The following RAP1A variants were observed in gnomAD, a reference collection of about 807,000 sequenced individuals.
The protein encoded by RAP1A is RAP1A, member of RAS oncogene family.
Under a neutral mutation model 26.4 loss-of-function variants are expected in RAP1A, and 6 were observed. That is an observed-to-expected ratio of 0.23 (90% confidence interval 0.12 to 0.45). The LOEUF is 0.45. RAP1A is among the 20% of genes least tolerant of loss of function. The pLI, the probability that RAP1A is intolerant of heterozygous loss-of-function variation, is 0.99. For synonymous variants in RAP1A, 73 were observed against 79.4 expected, an observed-to-expected ratio of 0.92 and a Z score of 0.43; for missense variants, 121 against 217.2, an observed-to-expected ratio of 0.56 and a Z score of 2.78.
At chr1:111,579,861 G>C (rs1448554938) in intron 1 of RAP1A, among the ~76,000 whole-genome samples, 1 of 152,032 alleles carries the variant, frequency 6.6e-6, no homozygotes, top group African/African-American at 2.4e-5. Context: ...CCAGGCTGGA[G>C]TGCAATGGTG....
At chr1:111,657,712 C>G (rs1297247690) in intron 1 of RAP1A, among the ~76,000 whole-genome samples, 1 of 152,176 alleles carries the variant, frequency 6.6e-6, no homozygotes, top group African/African-American at 2.4e-5. Flanking sequence ...AAAGACCATC[C>G]TTTCCCAATT....
chr1:111,563,626 T>C (rs1315104029), intron 1 of RAP1A, among the ~76,000 whole-genome samples: 2 of 152,200 alleles, frequency 1.3e-5, no homozygotes, highest in Non-Finnish European at 2.9e-5. Context: ...AACTTGTATG[T>C]GTCAAACACT....
rs888846168 is a variant in RAP1A, at chr1:111,703,329, A to C, written c.184-7A>C. On this transcript the variant is annotated splice_region_variant and splice_polypyrimidine_tract_variant and intron_variant, in intron 4 of 7. Transcript: ENST00000369709. ...ATATTTATAATTGCATATTTTTTAAATCATAGGAGCAATTTACAGCAATGA... is the reference window on the plus strand; with the variant it reads ...ATATTTATAATTGCATATTTTTTAACTCATAGGAGCAATTTACAGCAATGA... 1.3e-6 allele frequency: 2 copies of C among 1,522,190 alleles called. No homozygotes were observed. The highest frequency in any genetic ancestry group is 1.8e-6 in the Non-Finnish European group (2 of 1,129,956). 94.3% of individuals were successfully genotyped at this position (1,522,190 alleles called of 1,614,324 possible). A position where few individuals can be genotyped will look rare whatever the true frequency, so the allele number is the denominator to read the frequency against.
At chr1:111,696,041 A>G (rs931727982) in intron 3 of RAP1A, among the ~76,000 whole-genome samples, 4 of 152,112 alleles carry the variant, frequency 2.6e-5, no homozygotes, top group African/African-American at 2.4e-5. Flanking sequence ...TATGTGGGAA[A>G]TCTCTGCACC....
At chr1:111,581,249 A>G (rs926564392) in intron 1 of RAP1A, among the ~76,000 whole-genome samples, 5 of 152,078 alleles carry the variant, frequency 3.3e-5, no homozygotes, top group Non-Finnish European at 7.4e-5. Flanking sequence ...TGGAGAAAAT[A>G]GCATATTTTT....
intron 1 of RAP1A, among the ~76,000 whole-genome samples, chr1:111,653,357 A>G (rs1660336607): frequency 6.6e-6 from 1 of 152,106 alleles, no homozygotes; most frequent in Non-Finnish European, 1.5e-5. Flanking sequence ...AGCCTTGTGA[A>G]TATAATTTTT....
At chr1:111,656,864 T>C (rs1378045229) in intron 1 of RAP1A, among the ~76,000 whole-genome samples, 1 of 152,146 alleles carries the variant, frequency 6.6e-6, no homozygotes, top group Non-Finnish European at 1.5e-5. Flanking sequence ...TAACATACCA[T>C]TGTAATTATT....
In RAP1A at chr1:111,593,652, CT is replaced by C. The variant is rs994763442; in HGVS notation, c.-28+51170del. ...CTGGCAGCTTAAGTTATGACTCCTA[CT>C]TTTTTTTTTTTTTTTTTTTTTTTTT... is the stretch of plus-strand genomic sequence containing the variant. On this transcript the variant is annotated intron_variant, in intron 1 of 7. Transcript: ENST00000356415. 8.6e-3 allele frequency among the ~76,000 whole-genome samples: 560 copies of C among 65,394 alleles called. 4 individuals are homozygous for C. Among genetic ancestry groups the C allele is most frequent in the African/African-American group, 0.031 (501 of 16,134 alleles). The allele number at this position is 65,394 out of a possible 152,430, so 42.9% of individuals were successfully genotyped here. A position where few individuals can be genotyped will look rare whatever the true frequency, so the allele number is the denominator to read the frequency against.
chr1:111,650,060 A>G (rs1660213671), intron 1 of RAP1A, among the ~76,000 whole-genome samples: 1 of 146,378 alleles, frequency 6.8e-6, no homozygotes, highest in Non-Finnish European at 1.5e-5. Context: ...TTCTAACAAT[A>G]TATATAAGTA....
At chr1:111,549,309 C>CTTTTTTTT in intron 1 of RAP1A, among the ~76,000 whole-genome samples, 1 of 125,612 alleles carries the variant, frequency 8.0e-6, no homozygotes, top group Admixed American at 7.9e-5. Flanking sequence ...CAGTCATGGG[C>CTTTTTTTT]TTTTTTTTTT....
At chr1:111,542,943 C>A (rs1360182814) in intron 1 of RAP1A, among the ~76,000 whole-genome samples, 1 of 152,134 alleles carries the variant, frequency 6.6e-6, no homozygotes, top group African/African-American at 2.4e-5. Context: ...GTGATCCTCC[C>A]ACTTTGGCCT....
At chr1:111,570,922 A>G (rs541293925) in intron 1 of RAP1A, among the ~76,000 whole-genome samples, 2 of 152,332 alleles carry the variant, frequency 1.3e-5, no homozygotes, top group South Asian at 4.1e-4. Context: ...CCAAATTTCA[A>G]CATGAGTTTT....
intron 1 of RAP1A, chr1:111,604,725 A>C (rs1291225817): frequency 6.6e-6 from 1 of 152,106 alleles, no homozygotes; most frequent in Non-Finnish European, 1.5e-5. Context: ...AAGGAGGTGA[A>C]TTTCCTTTCT....
chr1:111,692,918 T>C (rs930623195), intron 2 of RAP1A, among the ~76,000 whole-genome samples: 2 of 152,216 alleles, frequency 1.3e-5, no homozygotes, highest in African/African-American at 4.8e-5. Context: ...AGCTTAGTTA[T>C]CACTGCATAG....
In RAP1A at chr1:111,644,201, A is replaced by G. The variant is rs537883695; in HGVS notation, c.-28+24267A>G. On this transcript the variant is annotated intron_variant, in intron 1 of 7. Transcript: ENST00000369709. Reference sequence around the variant, plus strand: ...ACATGGTTCAATATATATTTGTCCAATAAAAGGAAGAACAAATGGCTAAAA... The same window carrying G: ...ACATGGTTCAATATATATTTGTCCAGTAAAAGGAAGAACAAATGGCTAAAA... Among the ~76,000 whole-genome samples, 9 of 152,328 alleles carry G rather than the reference A, an allele frequency of 5.9e-5. No individual in the cohort carries two copies. The East Asian group carries it at 9.6e-4, about 16-fold the overall frequency.
chr1:111,601,914 C>A (rs1658679808), intron 1 of RAP1A, among the ~76,000 whole-genome samples: 1 of 152,126 alleles, frequency 6.6e-6, no homozygotes, highest in South Asian at 2.1e-4. Context: ...AATATGATTT[C>A]AAAGGTCCAT....
intron 1 of RAP1A, among the ~76,000 whole-genome samples, chr1:111,581,847 A>G (rs1166126241): frequency 1.3e-5 from 2 of 152,248 alleles, no homozygotes; most frequent in Admixed American, 6.5e-5. Flanking sequence ...TTAAGTGTCC[A>G]CTTTATATAA....
At chr1:111,655,428 C>T (rs140301933) in intron 1 of RAP1A, among the ~76,000 whole-genome samples, 143 of 151,926 alleles carry the variant, frequency 9.4e-4, no homozygotes, top group Middle Eastern at 3.4e-3. Context: ...AAAAAGAATA[C>T]GCATTCACAA....
intron 1 of RAP1A, among the ~76,000 whole-genome samples, chr1:111,636,747 G>C (rs968754581): frequency 4.0e-4 from 61 of 152,096 alleles, no homozygotes; most frequent in Admixed American, 2.0e-4. Context: ...CAAAGTGCTG[G>C]GATTACAGGC....
Sources: gnomAD v4.1 joint callset for allele counts (sites outside exome capture counted in the v4.1 genomes callset) on GRCh38, gnomAD v4.1.1 for gene constraint, MANE v1.5 for transcripts, NCBI Gene and HGNC (gene_info 2026-07-23, HGNC 2026-07-21) for gene names.